ZNF433: variants seen among roughly 807,000 people sequenced by gnomAD.
ZNF433 encodes zinc finger protein 433.
Under a neutral mutation model 10.6 loss-of-function variants are expected in ZNF433, and 12 were observed. The observed-to-expected ratio is 1.13, with a 90% CI of 0.72 to 1.83. ZNF433 has a LOEUF of 1.83. ZNF433 is among the 40% of genes most tolerant of loss of function. The probability of loss-of-function intolerance (pLI) is 0.00; values close to 1 mark genes in which losing one functional copy is unlikely to be tolerated. For synonymous variants in ZNF433, 272 were observed against 271.3 expected, an observed-to-expected ratio of 1.00 and a Z score of -0.02; for missense variants, 737 against 798.0, an observed-to-expected ratio of 0.92 and a Z score of 0.92.
At position 12,016,419 on chromosome 19, in the gene ZNF433, G is replaced by T. The variant is rs1002689972; in HGVS notation, c.439C>A (p.Pro147Thr). ...KPYKCKYCKK[P>T]FNCLSSVQTH... ...TGAACAGAGGAGAGACAGTTGAAAG[G>T]TTTTTTACAGTATTTACATTTATAT... Residue 147 changes from proline to threonine, a missense_variant, in exon 4 of 4, where the codon CCT becomes ACT. Transcript: ENST00000550507. 5.0e-6 allele frequency: 8 copies of T among 1,614,090 alleles called. No individual in the cohort carries two copies. The Admixed American group carries it at 1.3e-4, about 27-fold the overall frequency.
Position 12,015,886 on chromosome 19 carries a change from T to C in ZNF433, c.972A>G (p.Arg324=). The change falls in exon 4 of 4, where the codon AGA becomes AGG. Residue 324 remains arginine (R), a synonymous_variant. Transcript: ENST00000550507. ...TTTTCCTAGAGTGGGTTCTTTCATG[T>C]CTGCGAACAGAACTGGGACACTTGA... ...KAFKCPSSVR[R]HERTHSRKKP... 1 of 1,613,934 alleles carries C rather than the reference T, an allele frequency of 6.2e-7. No individual in the cohort carries two copies. Among genetic ancestry groups the C allele is most frequent in the Non-Finnish European group, 8.5e-7 (1 of 1,179,942 alleles).
Position 12,017,744 on chromosome 19 carries a change from G to C in ZNF433, c.191+132C>G. On this transcript the variant is annotated intron_variant, in intron 3 of 3. Coordinates refer to ENST00000550507, the MANE Select transcript of ZNF433 (RefSeq NM_001308348.2). ...TACATCACACTTCAATATGTGTTTA[G>C]AGAAAATTTTCTAAGAATAAATAGA... The C allele has an allele frequency of 1.2e-5, 8 of 671,836 alleles. No individual in the cohort carries two copies. The South Asian group carries it at 1.5e-4, about 12-fold the overall frequency. The allele number at this position is 671,836 out of a possible 1,614,324, so 41.6% of individuals were successfully genotyped here. A position where few individuals can be genotyped will look rare whatever the true frequency, so the allele number is the denominator to read the frequency against.
At chr19:12,024,112 G>A (rs1157949069) in intron 1 of ZNF433, 2 of 152,128 alleles carry the variant, frequency 1.3e-5, no homozygotes, top group African/African-American at 4.8e-5. Flanking sequence ...TGAACAATTA[G>A]AAAAAGGACA....
At position 12,016,011 on chromosome 19, in the gene ZNF433, G is replaced by A. The variant is rs1568329051; in HGVS notation, c.847C>T (p.Gln283Ter). The A allele has an allele frequency of 6.2e-7, 1 of 1,613,792 alleles. No homozygotes were observed. Among genetic ancestry groups the A allele is most frequent in the Non-Finnish European group, 8.5e-7 (1 of 1,179,824 alleles). The change falls in exon 4 of 4, where the codon CAG becomes TAG. Residue 283 changes from glutamine to a stop codon, truncating the protein, a stop_gained. Coordinates refer to ENST00000550507, the MANE Select transcript of ZNF433 (RefSeq NM_001308348.2). LOFTEE classifies it low-confidence loss of function (END_TRUNC). Reference sequence around the variant, plus strand: ...GAAGAGCTGAAGGCTTTCCCACACTGTTTACATTCATATGGCTTCTCCCCA... The same window carrying A: ...GAAGAGCTGAAGGCTTTCCCACACTATTTACATTCATATGGCTTCTCCCCA... ...HTGEKPYECK[Q>*]CGKAFSSSHS...
In ZNF433 at chr19:12,016,009, C is replaced by T; in HGVS notation, c.849G>A (p.Gln283=). Residue 283 remains glutamine, a synonymous_variant, in exon 4 of 4, where the codon CAG becomes CAA. Coordinates refer to ENST00000550507, the MANE Select transcript of ZNF433 (RefSeq NM_001308348.2). ...GGGAAGAGCTGAAGGCTTTCCCACA[C>T]TGTTTACATTCATATGGCTTCTCCC... ...HTGEKPYECK[Q]CGKAFSSSHS... 6.2e-7 allele frequency: 1 copy of T among 1,613,460 alleles called. No individual in the cohort carries two copies. The highest frequency in any genetic ancestry group is 8.5e-7 in the Non-Finnish European group (1 of 1,179,754).
At chr19:12,024,240 G>A (rs754101200) in intron 1 of ZNF433, 2 of 152,166 alleles carry the variant, frequency 1.3e-5, no homozygotes, top group Non-Finnish European at 2.9e-5. Context: ...AACCTATGGG[G>A]ACATTACAGC....
intron 1 of ZNF433, among the ~76,000 whole-genome samples, chr19:12,021,149 T>C (rs1264580060): frequency 6.6e-6 from 1 of 151,646 alleles, no homozygotes; most frequent in Non-Finnish European, 1.5e-5. Context: ...CCGGCTAATT[T>C]TTTTGTATTT....
intron 1 of ZNF433, among the ~76,000 whole-genome samples, chr19:12,020,704 G>C (rs1053567219): frequency 6.6e-6 from 1 of 152,000 alleles, no homozygotes; most frequent in Non-Finnish European, 1.5e-5. Flanking sequence ...ATCACCTGGG[G>C]TCAGGAGTTC....
At chr19:12,034,787 C>G (rs1310852288) in intron 1 of ZNF433, 1 of 453,838 alleles carries the variant, frequency 2.2e-6, no homozygotes, top group Non-Finnish European at 4.4e-6. Flanking sequence ...CCTTCTAACC[C>G]CCCTTCCACA....
In ZNF433 at chr19:12,016,409, C is replaced by T. The variant is rs149059930; in HGVS notation, c.449G>A (p.Cys150Tyr). ...KCKYCKKPFN[C>Y]LSSVQTHERA... Reference sequence around the variant, plus strand: ...TTCATGTGTCTGAACAGAGGAGAGACAGTTGAAAGGTTTTTTACAGTATTT... The same window carrying T: ...TTCATGTGTCTGAACAGAGGAGAGATAGTTGAAAGGTTTTTTACAGTATTT... Residue 150 changes from cysteine to tyrosine, a missense_variant, in exon 4 of 4, where the codon TGT becomes TAT. Transcript: ENST00000550507. 3.1e-6 allele frequency: 5 copies of T among 1,613,996 alleles called. No individual in the cohort carries two copies. In the African/African-American group the frequency reaches 4.0e-5, roughly 13 times the overall value.
chr19:12,031,462 C>T (rs942743320), intron 1 of ZNF433, among the ~76,000 whole-genome samples: 1 of 151,980 alleles, frequency 6.6e-6, no homozygotes, highest in Non-Finnish European at 1.5e-5. Flanking sequence ...TCAGCCTAGC[C>T]AGCATGGCGA....
chr19:12,024,930 C>G (rs1016104100), intron 1 of ZNF433: 5 of 152,198 alleles, frequency 3.3e-5, no homozygotes, highest in African/African-American at 1.2e-4. Flanking sequence ...TATAAACAGT[C>G]TTACTTGGCA....
At chr19:12,019,568 C>A (rs1343707166) in intron 1 of ZNF433, among the ~76,000 whole-genome samples, 1 of 152,056 alleles carries the variant, frequency 6.6e-6, no homozygotes, top group African/African-American at 2.4e-5. Flanking sequence ...TTCCTGTATC[C>A]CACTTTTGGG....
At chr19:12,020,856 A>G (rs1974454325) in intron 1 of ZNF433, among the ~76,000 whole-genome samples, 1 of 149,836 alleles carries the variant, frequency 6.7e-6, no homozygotes. Flanking sequence ...GTGAGCCGAC[A>G]TTGCGCCATT....
intron 1 of ZNF433, chr19:12,025,963 GA>G (rs1417878105): frequency 6.6e-6 from 1 of 152,494 alleles, no homozygotes; most frequent in African/African-American, 2.4e-5. Flanking sequence ...CAAAAAGGGG[GA>G]AACAGGGACT....
At chr19:12,026,990 T>C in intron 1 of ZNF433, 1 of 454,116 alleles carries the variant, frequency 2.2e-6, no homozygotes, top group South Asian at 1.6e-5. Flanking sequence ...GTGGAAACTA[T>C]TAATGGCTCT....
rs750136369 is a variant in ZNF433, at chr19:12,015,404, CTG to C, written c.1452_1453del (p.Phe484LeufsTer8). 6 of 1,614,018 alleles carry C rather than the reference CTG, an allele frequency of 3.7e-6. No individual in the cohort carries two copies. Among genetic ancestry groups the C allele is most frequent in the Admixed American group, 1.7e-5 (1 of 59,996 alleles). The stretch of plus-strand genomic sequence containing the variant: ...ATGTCTATGAAATAAACTGGGCAAA[CTG>C]AATGTTTTCCCATAACCCTTACATT... On this transcript the variant is annotated frameshift_variant, in exon 4 of 4. Transcript: ENST00000550507. LOFTEE classifies it low-confidence loss of function (END_TRUNC).
rs1299414005 is a variant in ZNF433 at position 12,015,638 on chromosome 19, CG to C, written c.1219del (p.Arg407AspfsTer261). ...TCCAGTGTGAGTTCTTTCATGATATCGGAAGGAACTGGAAGAATTAAAGGCT... is the reference window on the plus strand; with the variant it reads ...TCCAGTGTGAGTTCTTTCATGATATCGAAGGAACTGGAAGAATTAAAGGCT... Reference protein sequence around the residue: ...GKAFNSSSSFRYHERTHTGEK... With the variant: ...GKAFNSSSSFXYHERTHTGEK... On this transcript the variant is annotated frameshift_variant, in exon 4 of 4. Transcript: ENST00000550507. LOFTEE classifies it low-confidence loss of function (END_TRUNC). 3 of 1,611,890 alleles carry C rather than the reference CG, an allele frequency of 1.9e-6. No individual in the cohort carries two copies. Among genetic ancestry groups the C allele is most frequent in the Non-Finnish European group, 2.5e-6 (3 of 1,179,420 alleles).
At chr19:12,031,094 G>C (rs1974994140) in intron 1 of ZNF433, among the ~76,000 whole-genome samples, 1 of 151,850 alleles carries the variant, frequency 6.6e-6, no homozygotes, top group Non-Finnish European at 1.5e-5. Context: ...TCAAGAGATT[G>C]AGACCATTCT....
Sources: gnomAD v4.1 joint callset for allele counts (sites outside exome capture counted in the v4.1 genomes callset) on GRCh38, gnomAD v4.1.1 for gene constraint, MANE v1.5 for transcripts, NCBI Gene and HGNC (gene_info 2026-07-23, HGNC 2026-07-21) for gene names.